NT5DC1: variants seen among roughly 807,000 people sequenced by gnomAD.
NT5DC1 encodes the protein 5'-nucleotidase domain-containing protein 1.
A neutral mutation model predicts 59.4 loss-of-function variants in NT5DC1; 42 were observed. That is an observed-to-expected ratio of 0.71 (90% confidence interval 0.55 to 0.92). The LOEUF is 0.92. NT5DC1 is among the 40% of genes least tolerant of loss of function. NT5DC1 has a pLI of 0.00. For synonymous variants in NT5DC1, 172 were observed against 188.1 expected (o/e 0.91, Z 0.70); for missense variants, 501 against 537.1 (o/e 0.93, Z 0.66).
In NT5DC1 at chr6:116,172,470, C is replaced by T. The variant is rs547360555; in HGVS notation, c.530-48584C>T. On this transcript the variant is annotated intron_variant, in intron 6 of 11. Transcript: ENST00000319550. ...CTGAGTAGGTAGGACTACAGGCGCA[C>T]GCCACCACGCCCAGCCAATTTTTCT... Among the ~76,000 whole-genome samples the T allele has an allele frequency of 1.3e-4, 20 of 151,768 alleles. No homozygotes were observed. In the East Asian group the frequency reaches 2.5e-3, roughly 19 times the overall value.
At chr6:116,200,006 GGA>G (rs1781313664) in intron 6 of NT5DC1, among the ~76,000 whole-genome samples, 1 of 150,160 alleles carries the variant, frequency 6.7e-6, no homozygotes, top group African/African-American at 2.5e-5. Flanking sequence ...AAGTGGGGGG[GGA>G]AGAGTAACTT....
intron 6 of NT5DC1, among the ~76,000 whole-genome samples, chr6:116,182,068 T>G (rs1261917651): frequency 2.0e-5 from 3 of 152,094 alleles, no homozygotes. Flanking sequence ...ATTATTCTTA[T>G]GCCTTTGTGT....
chr6:116,228,769 G>C (rs570214722), intron 8 of NT5DC1, among the ~76,000 whole-genome samples: 27 of 152,196 alleles, frequency 1.8e-4, no homozygotes, highest in African/African-American at 6.3e-4. Context: ...TGTCTATTCT[G>C]CTGCTGATTC....
chr6:116,121,620 C>T (rs1779130988), intron 6 of NT5DC1: 14 of 1,613,968 alleles, frequency 8.7e-6, no homozygotes, highest in Non-Finnish European at 1.1e-5. Flanking sequence ...GGTCCTGGGG[C>T]TCCTGTGGGT....
At chr6:116,208,985 T>C (rs1781516965) in intron 6 of NT5DC1, among the ~76,000 whole-genome samples, 1 of 152,030 alleles carries the variant, frequency 6.6e-6, no homozygotes, top group Non-Finnish European at 1.5e-5. Context: ...TGTCTTTCAT[T>C]AGTTTGATCA....
chr6:116,161,183 G>C (rs1780319822), intron 6 of NT5DC1, among the ~76,000 whole-genome samples: 2 of 122,630 alleles, frequency 1.6e-5, no homozygotes, highest in South Asian at 5.6e-4. Flanking sequence ...ACAATCTGGG[G>C]ACTGTTGTGG....
In NT5DC1 at chr6:116,135,039, C is replaced by T. The variant is rs551488375; in HGVS notation, c.529+17094C>T. 6.2e-4 allele frequency among the ~76,000 whole-genome samples: 94 copies of T among 152,256 alleles called. 1 individual carries two copies. The highest frequency in any genetic ancestry group is 2.1e-3 in the African/African-American group (89 of 41,558). On this transcript the variant is annotated intron_variant, in intron 6 of 11. Transcript: ENST00000319550. ...CTTCACTTTCCCATTATCTTTTACT[C>T]ATCTGTACCCCATTTACTTATTGAT...
At chr6:116,229,164 A>G (rs1472232407) in intron 8 of NT5DC1, among the ~76,000 whole-genome samples, 5 of 152,184 alleles carry the variant, frequency 3.3e-5, no homozygotes, top group Non-Finnish European at 7.3e-5. Flanking sequence ...GACTTTAACC[A>G]AGCTAGTAAG....
chr6:116,121,108 C>T, intron 6 of NT5DC1: 1 of 1,613,802 alleles, frequency 6.2e-7, no homozygotes, highest in Non-Finnish European at 8.5e-7. Context: ...GGGGTCCAGT[C>T]AGACCTGGCT....
chr6:116,185,076 A>C (rs1219346981), intron 6 of NT5DC1, among the ~76,000 whole-genome samples: 1 of 152,042 alleles, frequency 6.6e-6, no homozygotes, highest in Non-Finnish European at 1.5e-5. Context: ...ATTATCATTA[A>C]GTTTAAAGAA....
intron 6 of NT5DC1, among the ~76,000 whole-genome samples, chr6:116,202,368 G>A (rs778072290): frequency 3.3e-5 from 5 of 151,952 alleles, no homozygotes; most frequent in Non-Finnish European, 5.9e-5. Context: ...AAAGCTGTAA[G>A]TTCTTAAACT....
chr6:116,243,881 A>G (rs374438490), intron 11 of NT5DC1, 28 bp from the exon 12 acceptor site: 65 of 842,022 alleles, frequency 7.7e-5, no homozygotes, highest in Non-Finnish European at 1.1e-4. Context: ...AGACCTGTGC[A>G]ATAATTAAAT....
intron 6 of NT5DC1, among the ~76,000 whole-genome samples, chr6:116,181,311 GA>G (rs1780868686): frequency 6.6e-6 from 1 of 151,940 alleles, no homozygotes; most frequent in South Asian, 2.1e-4. Flanking sequence ...GGATCTTACA[GA>G]AATCTTACAG....
chr6:116,229,666 A>G (rs1562174104), intron 8 of NT5DC1, among the ~76,000 whole-genome samples: 1 of 152,296 alleles, frequency 6.6e-6, no homozygotes, highest in East Asian at 1.9e-4. Flanking sequence ...TCTGACTTGC[A>G]AGATTAAATT....
chr6:116,207,958 G>A (rs1781491304), intron 6 of NT5DC1, among the ~76,000 whole-genome samples: 2 of 151,792 alleles, frequency 1.3e-5, no homozygotes, highest in African/African-American at 2.4e-5. Context: ...ATGTTGTCTC[G>A]GCATTCTGTT....
At chr6:116,182,631 C>A (rs1020681450) in intron 6 of NT5DC1, among the ~76,000 whole-genome samples, 1 of 151,868 alleles carries the variant, frequency 6.6e-6, no homozygotes, top group Non-Finnish European at 1.5e-5. Context: ...TTTCCCTGAT[C>A]GCTAGTGATG....
chr6:116,104,159 C>T (rs377188354), intron 1 of NT5DC1, among the ~76,000 whole-genome samples: 1 of 152,198 alleles, frequency 6.6e-6, no homozygotes, highest in Non-Finnish European at 1.5e-5. Flanking sequence ...TAAGGACAAA[C>T]TGCAAGAAGC....
chr6:116,145,925 A>C (rs916533580), intron 6 of NT5DC1, among the ~76,000 whole-genome samples: 1 of 152,076 alleles, frequency 6.6e-6, no homozygotes, highest in Non-Finnish European at 1.5e-5. Context: ...GTCTTTGGTA[A>C]CTCTTTCAAT....
At chr6:116,227,381 C>T (rs1291043851) in intron 8 of NT5DC1, among the ~76,000 whole-genome samples, 2 of 152,092 alleles carry the variant, frequency 1.3e-5, no homozygotes, top group Non-Finnish European at 2.9e-5. Flanking sequence ...TGCTAATGGA[C>T]ATTTCGGTTG....
Sources: allele counts gnomAD v4.1 joint callset (sites outside exome capture counted in the v4.1 genomes callset), GRCh38; gene constraint gnomAD v4.1.1; transcripts MANE v1.5; gene names NCBI Gene and HGNC (gene_info 2026-07-23, HGNC 2026-07-21).